PDE1C: variants seen among roughly 807,000 people sequenced by gnomAD.
The protein encoded by PDE1C is phosphodiesterase 1C, also known as dual specificity calcium/calmodulin-dependent 3',5'-cyclic nucleotide phosphodiesterase 1C.
PDE1C carries 62 observed loss-of-function variants against 93.1 expected under a neutral mutation model. The observed-to-expected ratio is 0.67, with a 90% CI of 0.54 to 0.82. The LOEUF (loss-of-function observed/expected upper bound fraction) is 0.82, where lower values mean the gene tolerates loss of function less well. Among genes scored for constraint, PDE1C ranks in the 40% least tolerant of loss-of-function variants. The pLI is 0.00. For synonymous variants in PDE1C, 325 were observed against 310.1 expected, an observed-to-expected ratio of 1.05 and a Z score of -0.50; for missense variants, 742 against 884.6, an observed-to-expected ratio of 0.84 and a Z score of 2.04.
intron 3 of PDE1C, 120 bp from the exon 4 acceptor site, chr7:31,879,298 T>C (rs1428814457): frequency 8.0e-6 from 8 of 999,948 alleles, no homozygotes. Context: ...CCAAATTAAA[T>C]TGGCCACAAA....
intron 6 of PDE1C, among the ~76,000 whole-genome samples, chr7:31,870,540 A>G (rs1394587454): frequency 6.6e-6 from 1 of 152,054 alleles, no homozygotes; most frequent in Non-Finnish European, 1.5e-5. Context: ...ACAACTTACC[A>G]AAATTGAATC....
chr7:32,289,770 T>A (rs769715395), intron 1 of PDE1C, among the ~76,000 whole-genome samples: 7 of 152,150 alleles, frequency 4.6e-5, no homozygotes, highest in Non-Finnish European at 7.4e-5. Context: ...TGGTTACTAG[T>A]CCATGCAAGT....
intron 1 of PDE1C, among the ~76,000 whole-genome samples, chr7:32,298,324 C>A (rs1812757918): frequency 6.6e-6 from 1 of 152,078 alleles, no homozygotes; most frequent in Admixed American, 6.5e-5. Context: ...CGCAGCGTCT[C>A]CAGCCCTATT....
At chr7:31,856,625 T>G (rs1195382588) in intron 7 of PDE1C, among the ~76,000 whole-genome samples, 1 of 151,100 alleles carries the variant, frequency 6.6e-6, no homozygotes, top group Non-Finnish European at 1.5e-5. Context: ...TTCATCCTCA[T>G]CACAATACGT....
intron 1 of PDE1C, among the ~76,000 whole-genome samples, chr7:32,288,376 C>T (rs1812134695): frequency 6.6e-6 from 1 of 152,084 alleles, no homozygotes; most frequent in African/African-American, 2.4e-5. Flanking sequence ...GCATAATTAC[C>T]CCAAAAAATA....
the PDE1C span, among the ~76,000 whole-genome samples, chr7:31,740,088 T>C: frequency 8.5e-5 from 13 of 152,198 alleles, no homozygotes; most frequent in Non-Finnish European, 1.3e-4. Context: ...TGTGTAAGCC[T>C]CTCTAGCACT....
intron 3 of PDE1C, among the ~76,000 whole-genome samples, chr7:32,081,235 G>A (rs776588834): frequency 6.6e-5 from 10 of 152,180 alleles, no homozygotes; most frequent in Non-Finnish European, 1.5e-4. Context: ...GCATTGAAAG[G>A]AAAGAGTGCT....
At chr7:32,258,094 A>T (rs1211012842) in intron 1 of PDE1C, among the ~76,000 whole-genome samples, 2 of 152,222 alleles carry the variant, frequency 1.3e-5, no homozygotes, top group African/African-American at 4.8e-5. Context: ...AAGGTACAAG[A>T]CAAATGCTTT....
chr7:31,796,589 A>AAG (rs1785338619), intron 16 of PDE1C, among the ~76,000 whole-genome samples: 1 of 151,824 alleles, frequency 6.6e-6, no homozygotes, highest in East Asian at 1.9e-4. Flanking sequence ...AACCATGAAT[A>AAG]AGTAACAGGT....
the PDE1C span, among the ~76,000 whole-genome samples, chr7:31,627,591 A>T: frequency 2.0e-5 from 3 of 147,246 alleles, no homozygotes; most frequent in African/African-American, 5.0e-5. Flanking sequence ...CCAGGAGGTC[A>T]TGGCTACGCA....
the PDE1C span, among the ~76,000 whole-genome samples, chr7:31,631,030 G>A: frequency 6.6e-6 from 1 of 151,990 alleles, no homozygotes; most frequent in Admixed American, 6.6e-5. Flanking sequence ...TCAAGAAGTA[G>A]GTATCCAGAA....
intron 1 of PDE1C, among the ~76,000 whole-genome samples, chr7:32,332,069 T>C (rs1260189882): frequency 1.3e-5 from 2 of 152,096 alleles, no homozygotes; most frequent in Admixed American, 1.3e-4. Flanking sequence ...GTGCCAAGCA[T>C]CCAGTTGAAA....
intron 2 of PDE1C, 93 bp downstream of exon 2, chr7:32,051,461 G>T (rs1436100706): frequency 3.3e-6 from 4 of 1,199,584 alleles, no homozygotes; most frequent in Non-Finnish European, 5.0e-6. Context: ...CCAAAAGCCT[G>T]TTTATTACAG....
chr7:31,785,436 A>C (rs1783825923), intron 16 of PDE1C: 1 of 152,134 alleles, frequency 6.6e-6, no homozygotes, highest in Non-Finnish European at 1.5e-5. Context: ...CAGAATAAAC[A>C]TGAATTCATG....
At chr7:32,085,230 C>T (rs143023795) in intron 3 of PDE1C, among the ~76,000 whole-genome samples, 28,031 of 145,850 alleles carry the variant, frequency 0.19, 3,045 homozygotes, top group East Asian at 0.46. Flanking sequence ...AACAACTCTA[C>T]GCAAATAAAC....
intron 16 of PDE1C, among the ~76,000 whole-genome samples, chr7:31,790,932 A>C (rs1333213995): frequency 6.6e-6 from 1 of 152,146 alleles, no homozygotes; most frequent in African/African-American, 2.4e-5. Flanking sequence ...CAACAACCAC[A>C]ACAAACCCAC....
At chr7:31,649,132 A>G in the PDE1C span, among the ~76,000 whole-genome samples, 1 of 152,266 alleles carries the variant, frequency 6.6e-6, no homozygotes, top group African/African-American at 2.4e-5. Context: ...TACGTTATTC[A>G]GTATAAAAGC....
chr7:32,367,486 A>C (rs956487454), intron 1 of PDE1C, among the ~76,000 whole-genome samples: 1 of 152,238 alleles, frequency 6.6e-6, no homozygotes, highest in African/African-American at 2.4e-5. Context: ...ATTAAAAAGA[A>C]GAAACCAACA....
At chr7:32,114,382 T>C (rs989613005) in intron 3 of PDE1C, among the ~76,000 whole-genome samples, 2 of 152,204 alleles carry the variant, frequency 1.3e-5, no homozygotes, top group South Asian at 2.1e-4. Flanking sequence ...AAGGATCTCC[T>C]ATCCAATAAG....
Sources: allele counts gnomAD v4.1 joint callset (sites outside exome capture counted in the v4.1 genomes callset), GRCh38; gene constraint gnomAD v4.1.1; transcripts MANE v1.5; gene names NCBI Gene and HGNC (gene_info 2026-07-23, HGNC 2026-07-21).